The following ADGRL3 variants were observed in gnomAD, a reference collection of about 807,000 sequenced individuals.
The protein encoded by ADGRL3 is calcium-independent alpha-latrotoxin receptor 3.
In ADGRL3, 62 loss-of-function variants were observed where a neutral mutation model predicts 153.5. That is an observed-to-expected ratio of 0.40 (90% confidence interval 0.33 to 0.50). The LOEUF (loss-of-function observed/expected upper bound fraction) is 0.50. Ranked by LOEUF, ADGRL3 falls within the 20% of genes least tolerant of loss-of-function variation. ADGRL3 has a pLI of 0.47. For synonymous variants in ADGRL3, 710 were observed against 672.5 expected, an observed-to-expected ratio of 1.06 and a Z score of -0.86; for missense variants, 1,641 against 1,859.4, an observed-to-expected ratio of 0.88 and a Z score of 2.16.
intron 1 of ADGRL3, among the ~76,000 whole-genome samples, chr4:61,330,893 G>T (rs1204657109): frequency 6.6e-6 from 1 of 152,120 alleles, no homozygotes. Flanking sequence ...AGACACAAAA[G>T]TTCTCCAAGC....
chr4:61,750,738 C>T (rs1465863659), intron 8 of ADGRL3, among the ~76,000 whole-genome samples: 2 of 148,732 alleles, frequency 1.3e-5, no homozygotes, highest in African/African-American at 2.5e-5. Flanking sequence ...TGCAGTGAGC[C>T]GAGATCCCGC....
chr4:61,265,484 A>C (rs1371863538), intron 1 of ADGRL3, among the ~76,000 whole-genome samples: 3 of 151,884 alleles, frequency 2.0e-5, no homozygotes, highest in African/African-American at 7.2e-5. Context: ...GTAGTTAACT[A>C]AAGTGGCTTT....
intron 2 of ADGRL3, among the ~76,000 whole-genome samples, chr4:61,488,048 A>G (rs2098216704): frequency 6.6e-6 from 1 of 152,090 alleles, no homozygotes; most frequent in Non-Finnish European, 1.5e-5. Flanking sequence ...ACTCAAGGGC[A>G]CTTCACAAGA....
chr4:61,375,488 G>A (rs895593934), intron 1 of ADGRL3, among the ~76,000 whole-genome samples: 22 of 152,044 alleles, frequency 1.4e-4, no homozygotes, highest in African/African-American at 5.1e-4. Context: ...ATCATCAAGT[G>A]TACTCCCTGA....
intron 9 of ADGRL3, among the ~76,000 whole-genome samples, chr4:61,868,874 C>T (rs1036486461): frequency 2.6e-5 from 4 of 152,270 alleles, no homozygotes; most frequent in African/African-American, 9.6e-5. Context: ...AACTGCTTTC[C>T]AGCGATGCTA....
At chr4:61,398,925 C>T (rs1049487190) in intron 2 of ADGRL3, among the ~76,000 whole-genome samples, 1 of 151,630 alleles carries the variant, frequency 6.6e-6, no homozygotes, top group Admixed American at 6.6e-5. Flanking sequence ...CTTCCCACAA[C>T]CCCCACCAAA....
chr4:61,938,876 A>T (rs2150193777), intron 15 of ADGRL3, among the ~76,000 whole-genome samples: 1 of 151,304 alleles, frequency 6.6e-6, no homozygotes, highest in South Asian at 2.1e-4. Flanking sequence ...AAAAAAAAAA[A>T]AAAAAAAAAA....
chr4:61,871,841 T>C (rs1213225751), intron 9 of ADGRL3, among the ~76,000 whole-genome samples: 3 of 152,220 alleles, frequency 2.0e-5, no homozygotes, highest in Non-Finnish European at 4.4e-5. Context: ...TTTCTCTTGC[T>C]ATCCCCTCTA....
intron 6 of ADGRL3, among the ~76,000 whole-genome samples, chr4:61,712,661 T>C (rs1470019687): frequency 6.6e-6 from 1 of 152,224 alleles, no homozygotes; most frequent in Non-Finnish European, 1.5e-5. Flanking sequence ...TTCACTACCA[T>C]ATATCCCAAT....
intron 1 of ADGRL3, among the ~76,000 whole-genome samples, chr4:61,280,759 A>G (rs191974042): frequency 1.3e-5 from 2 of 152,300 alleles, no homozygotes; most frequent in East Asian, 3.9e-4. Context: ...TTTAATAGCA[A>G]GATATTAGAA....
chr4:61,471,984 A>G lies in ADGRL3; in HGVS notation c.-173-25137A>G, dbSNP rs534021791. On this transcript the variant is annotated intron_variant, in intron 2 of 26. Transcript: ENST00000683033. ...TGCACAACACAATACATTAAATACA[A>G]TAAATGTATTTAAGAAACAGTAAGC... 1.4e-4 allele frequency among the ~76,000 whole-genome samples: 22 copies of G among 152,234 alleles called. No homozygotes were observed. The East Asian group carries it at 3.9e-3, about 27-fold the overall frequency.
intron 1 of ADGRL3, among the ~76,000 whole-genome samples, chr4:61,258,629 T>A (rs2092229264): frequency 1.3e-5 from 2 of 152,192 alleles, no homozygotes; most frequent in Admixed American, 1.3e-4. Context: ...GTTTATATAG[T>A]CAGTGTATAC....
At chr4:61,551,802 T>C (rs933681485) in intron 4 of ADGRL3, among the ~76,000 whole-genome samples, 1 of 152,144 alleles carries the variant, frequency 6.6e-6, no homozygotes, top group African/African-American at 2.4e-5. Context: ...TTTTAAAACA[T>C]ACATTGGTAG....
At chr4:61,578,088 G>T (rs1167853229) in intron 4 of ADGRL3, among the ~76,000 whole-genome samples, 2 of 151,996 alleles carry the variant, frequency 1.3e-5, no homozygotes, top group African/African-American at 4.8e-5. Context: ...AATGAAATGG[G>T]AAACCATAAA....
rs1270528775 is a variant in ADGRL3 at position 61,560,640 on chromosome 4, G to T, written c.260-26587G>T. Among the ~76,000 whole-genome samples the T allele has an allele frequency of 3.2e-5, 4 of 124,888 alleles. No homozygotes were observed. The Admixed American group carries it at 3.4e-4, about 11-fold the overall frequency. 81.9% of individuals were successfully genotyped at this position (124,888 alleles called of 152,430 possible). On this transcript the variant is annotated intron_variant, in intron 4 of 26. Transcript: ENST00000683033. ...ACATCCAAATCCCATTGAATTTGTG[G>T]GGTTTTTATTTATTTATTTTTTTTG...
intron 21 of ADGRL3, among the ~76,000 whole-genome samples, chr4:62,021,411 GT>G (rs1330430793): frequency 6.6e-6 from 1 of 152,032 alleles, no homozygotes; most frequent in Non-Finnish European, 1.5e-5. Flanking sequence ...GCACGTCCAT[GT>G]TTTCAGTCAC....
chr4:61,593,270 G>A (rs2098976640), intron 5 of ADGRL3, among the ~76,000 whole-genome samples: 1 of 152,074 alleles, frequency 6.6e-6, no homozygotes, highest in African/African-American at 2.4e-5. Flanking sequence ...TTCTAGTTAA[G>A]TCAAGAGAAG....
At chr4:61,237,405 A>G (rs1753254079) in intron 1 of ADGRL3, among the ~76,000 whole-genome samples, 1 of 152,128 alleles carries the variant, frequency 6.6e-6, no homozygotes, top group African/African-American at 2.4e-5. Flanking sequence ...ACACAGTGAG[A>G]AGATTTCTGT....
At chr4:61,457,823 T>G (rs1158591769) in intron 2 of ADGRL3, among the ~76,000 whole-genome samples, 2 of 151,346 alleles carry the variant, frequency 1.3e-5, no homozygotes, top group East Asian at 3.9e-4. Context: ...CCCGAAGGCC[T>G]TGTGTTTTTG....
Sources: allele counts gnomAD v4.1 joint callset (sites outside exome capture counted in the v4.1 genomes callset), GRCh38; gene constraint gnomAD v4.1.1; transcripts MANE v1.5; gene names NCBI Gene and HGNC (gene_info 2026-07-23, HGNC 2026-07-21).